PTCHD4: variants seen among roughly 807,000 people sequenced by gnomAD.
The protein encoded by PTCHD4 is patched domain-containing protein 4.
PTCHD4 carries 33 observed loss-of-function variants against 58.1 expected under a neutral mutation model. That is an observed-to-expected ratio of 0.57 (90% CI 0.43 to 0.76). The LOEUF is 0.76. PTCHD4 is among the 30% of genes least tolerant of loss of function. PTCHD4 has a pLI of 0.00. For synonymous variants in PTCHD4, 478 were observed against 409.6 expected (o/e 1.17, Z -2.02); for missense variants, 1,058 against 1,027.1 (o/e 1.03, Z -0.41).
At chr6:47,927,704 A>C (rs996214397) in intron 4 of PTCHD4, among the ~76,000 whole-genome samples, 1 of 152,078 alleles carries the variant, frequency 6.6e-6, no homozygotes, top group Non-Finnish European at 1.5e-5. Context: ...TCTATTTTTA[A>C]ATATGAGAAT....
intron 3 of PTCHD4, among the ~76,000 whole-genome samples, chr6:48,037,439 C>T (rs371734150): frequency 5.9e-5 from 9 of 152,056 alleles, no homozygotes; most frequent in South Asian, 2.1e-4. Flanking sequence ...ATGCTTACAC[C>T]GAAGCAGTGT....
intron 4 of PTCHD4, chr6:47,899,865 C>A (rs1277779463): frequency 6.6e-6 from 1 of 152,180 alleles, no homozygotes. Context: ...CTGAACATTT[C>A]ATATATATAG....
At chr6:47,984,090 T>A (rs935287215) in intron 4 of PTCHD4, among the ~76,000 whole-genome samples, 1 of 152,160 alleles carries the variant, frequency 6.6e-6, no homozygotes, top group Non-Finnish European at 1.5e-5. Flanking sequence ...TCTATATAAA[T>A]AAGTATATTT....
intron 3 of PTCHD4, among the ~76,000 whole-genome samples, chr6:48,022,469 T>C (rs575876475): frequency 1.3e-5 from 2 of 152,268 alleles, no homozygotes; most frequent in South Asian, 4.1e-4. Flanking sequence ...TCTGTACAAT[T>C]GTTCCTTACT....
chr6:48,073,467 C>A (rs1765011360), intron 1 of PTCHD4, among the ~76,000 whole-genome samples: 1 of 152,184 alleles, frequency 6.6e-6, no homozygotes, highest in Admixed American at 6.5e-5. Flanking sequence ...GCAGTATTCA[C>A]AAAAACTCAG....
At chr6:48,102,186 C>A (rs527709204) in intron 1 of PTCHD4, among the ~76,000 whole-genome samples, 1 of 152,204 alleles carries the variant, frequency 6.6e-6, no homozygotes, top group Non-Finnish European at 1.5e-5. Flanking sequence ...ACTCTTCTTC[C>A]TTGTAGGAGA....
chr6:47,999,314 T>A (rs1470679056), intron 4 of PTCHD4, among the ~76,000 whole-genome samples: 1 of 152,172 alleles, frequency 6.6e-6, no homozygotes, highest in African/African-American at 2.4e-5. Flanking sequence ...TTCACATCAT[T>A]GGCCAGTGTT....
intron 4 of PTCHD4, among the ~76,000 whole-genome samples, chr6:47,930,296 A>G (rs962473457): frequency 2.6e-5 from 4 of 152,204 alleles, no homozygotes; most frequent in African/African-American, 9.6e-5. Flanking sequence ...GATTCATTCT[A>G]AATATATTCA....
chr6:47,964,644 C>T (rs750224160), intron 4 of PTCHD4, among the ~76,000 whole-genome samples: 27 of 151,966 alleles, frequency 1.8e-4, no homozygotes, highest in African/African-American at 1.4e-4. Context: ...CAAAGTATTT[C>T]TGAACTATGC....
At chr6:48,050,010 C>T (rs568744456) in intron 3 of PTCHD4, among the ~76,000 whole-genome samples, 10 of 151,806 alleles carry the variant, frequency 6.6e-5, no homozygotes, top group South Asian at 4.2e-4. Flanking sequence ...TTGTGTTTTT[C>T]GATTTCTAGC....
chr6:47,980,011 GCATT>G (rs1767822975), intron 4 of PTCHD4, among the ~76,000 whole-genome samples: 1 of 151,968 alleles, frequency 6.6e-6, no homozygotes, highest in South Asian at 2.1e-4. Flanking sequence ...CATATTTTTA[GCATT>G]CATCAAAATG....
intron 3 of PTCHD4, among the ~76,000 whole-genome samples, chr6:48,056,008 TTAG>T (rs1322362913): frequency 6.6e-6 from 1 of 152,212 alleles, no homozygotes; most frequent in Non-Finnish European, 1.5e-5. Context: ...TTTCCCACTC[TTAG>T]TGGAAAAGTA....
At position 47,962,585 on chromosome 6, in the gene PTCHD4, G is replaced by A. The variant is rs111660256; in HGVS notation, c.898+46049C>T. On this transcript the variant is annotated intron_variant, in intron 4 of 4. Coordinates refer to ENST00000339488, the MANE Select transcript of PTCHD4 (RefSeq NM_001384253.1). ...GTGAGGTTATAAGGGGCTCTTCCCC[G>A]TTCACTCAGCACTTGTCCTCCCTGC... 7.4e-3 allele frequency among the ~76,000 whole-genome samples: 1,131 copies of A among 152,112 alleles called. 11 individuals are homozygous for A. Among genetic ancestry groups the A allele is most frequent in the African/African-American group, 0.026 (1,069 of 41,492 alleles).
At chr6:47,978,908 AATGAATATTCTATTCATTTTTGTT>A (rs1347781295) in intron 4 of PTCHD4, among the ~76,000 whole-genome samples, 4 of 152,132 alleles carry the variant, frequency 2.6e-5, no homozygotes, top group Admixed American at 2.6e-4. Flanking sequence ...AAATAACCAG[AATGAATATTCTATTCATTTTTGTT>A]ATGAATATTC....
chr6:47,990,231 G>A (rs990387623), intron 4 of PTCHD4, among the ~76,000 whole-genome samples: 4 of 152,248 alleles, frequency 2.6e-5, no homozygotes, highest in East Asian at 1.9e-4. Flanking sequence ...GATCATAGGC[G>A]GAAGGGACTT....
intron 4 of PTCHD4, among the ~76,000 whole-genome samples, chr6:47,969,942 G>A (rs1371779373): frequency 6.6e-6 from 1 of 151,994 alleles, no homozygotes; most frequent in Non-Finnish European, 1.5e-5. Flanking sequence ...TATAACCAAA[G>A]TAAATAAAGG....
At chr6:48,097,421 G>T (rs950024258) in intron 1 of PTCHD4, among the ~76,000 whole-genome samples, 1 of 152,132 alleles carries the variant, frequency 6.6e-6, no homozygotes, top group Admixed American at 6.5e-5. Context: ...CTCAAGAAGT[G>T]TAGATCATAC....
chr6:48,106,896 G>T (rs563285881), intron 1 of PTCHD4, among the ~76,000 whole-genome samples: 1 of 152,130 alleles, frequency 6.6e-6, no homozygotes, highest in East Asian at 1.9e-4. Context: ...CTTACAAGGG[G>T]CATGAAGGAC....
At chr6:47,899,038 A>G (rs988051658) in intron 4 of PTCHD4, among the ~76,000 whole-genome samples, 3 of 152,348 alleles carry the variant, frequency 2.0e-5, no homozygotes, top group Non-Finnish European at 2.9e-5. Flanking sequence ...AGAAGTATCC[A>G]TAAGTGGAAA....
Sources: allele counts gnomAD v4.1 joint callset (sites outside exome capture counted in the v4.1 genomes callset), GRCh38; gene constraint gnomAD v4.1.1; transcripts MANE v1.5; gene names NCBI Gene and HGNC (gene_info 2026-07-23, HGNC 2026-07-21).